The following PPP2R2B variants were observed in gnomAD, a reference collection of about 807,000 sequenced individuals.
The protein encoded by PPP2R2B is serine/threonine-protein phosphatase 2A 55 kDa regulatory subunit B beta isoform.
PPP2R2B carries 5 observed loss-of-function variants against 46.0 expected under a neutral mutation model. The ratio of observed to expected loss-of-function variants is 0.11; its 90% CI spans 0.06 to 0.23. The LOEUF is 0.23. Ranked by LOEUF, PPP2R2B falls within the 10% of genes least tolerant of loss-of-function variation. The pLI, the probability that PPP2R2B is intolerant of heterozygous loss-of-function variation, is 1.00. For missense variants in PPP2R2B, 367 were observed against 575.0 expected (o/e 0.64, Z 3.70); for synonymous variants, 215 against 206.7 (o/e 1.04, Z -0.34).
At chr5:146,857,255 C>T (rs1322124033) in intron 2 of PPP2R2B, among the ~76,000 whole-genome samples, 1 of 151,828 alleles carries the variant, frequency 6.6e-6, no homozygotes, top group African/African-American at 2.4e-5. Flanking sequence ...TGCAAGCGTT[C>T]AGAAGTATGA....
chr5:147,029,240 A>G (rs568065126), intron 1 of PPP2R2B, among the ~76,000 whole-genome samples: 2 of 152,184 alleles, frequency 1.3e-5, no homozygotes, highest in South Asian at 2.1e-4. Context: ...GGTTGTCAAT[A>G]TTTTATCTTA....
chr5:146,725,854 C>T (rs917124807), intron 2 of PPP2R2B, among the ~76,000 whole-genome samples: 2 of 152,186 alleles, frequency 1.3e-5, no homozygotes, highest in Non-Finnish European at 2.9e-5. Context: ...AAGGGCAGGG[C>T]CCATGTCTGT....
rs138582047 is a variant in PPP2R2B, at chr5:147,012,946, A to G, written c.79+42719T>C. On this transcript the variant is annotated intron_variant, in intron 1 of 8. Coordinates refer to the PPP2R2B transcript ENST00000336640. ...TTGATTGCACTGTGGTCTGAGAGAT[A>G]CCTGTTTGCAGACGACATGATTGTA... Among the ~76,000 whole-genome samples the G allele has an allele frequency of 9.9e-5, 15 of 152,126 alleles. 1 individual carries two copies. The highest frequency in any genetic ancestry group is 3.4e-4 in the African/African-American group (14 of 41,512).
At chr5:146,981,716 C>T (rs1753187823) in intron 1 of PPP2R2B, among the ~76,000 whole-genome samples, 1 of 152,120 alleles carries the variant, frequency 6.6e-6, no homozygotes, top group Non-Finnish European at 1.5e-5. Context: ...GATCCCTATG[C>T]TGCCCTTTTA....
At chr5:146,597,868 T>C (rs986634723) in intron 8 of PPP2R2B, among the ~76,000 whole-genome samples, 1 of 152,196 alleles carries the variant, frequency 6.6e-6, no homozygotes, top group Non-Finnish European at 1.5e-5. Context: ...GATAGATGAA[T>C]TATCTTTGCA....
chr5:146,979,772 A>G (rs1753082197), intron 1 of PPP2R2B, among the ~76,000 whole-genome samples: 1 of 152,202 alleles, frequency 6.6e-6, no homozygotes, highest in African/African-American at 2.4e-5. Context: ...ATTAACAACA[A>G]TAACTCATAA....
At chr5:146,617,749 C>T (rs1446798265) in intron 7 of PPP2R2B, among the ~76,000 whole-genome samples, 2 of 150,396 alleles carry the variant, frequency 1.3e-5, no homozygotes, top group East Asian at 2.0e-4. Flanking sequence ...GGCTGGAGTG[C>T]AGTGGCGCGA....
chr5:146,749,562 T>A (rs1274637235), intron 2 of PPP2R2B, among the ~76,000 whole-genome samples: 1 of 152,054 alleles, frequency 6.6e-6, no homozygotes, highest in Non-Finnish European at 1.5e-5. Flanking sequence ...AAGAACTCTT[T>A]GCTTAGCCTA....
At position 146,888,471 on chromosome 5, in the gene PPP2R2B, T is replaced by G. The variant is rs535313794; in HGVS notation, c.79+167194A>C. Among the ~76,000 whole-genome samples, 135 of 152,302 alleles carry G rather than the reference T, an allele frequency of 8.9e-4. 1 individual carries two copies. Among genetic ancestry groups the G allele is most frequent in the East Asian group, 1.5e-3 (8 of 5,172 alleles). On this transcript the variant is annotated intron_variant, in intron 1 of 8. Coordinates refer to the PPP2R2B transcript ENST00000336640. ...CTATCATCCTATCTCACCATGATTA[T>G]ATCAATAGATTCGAACCAGTCTCTG...
At chr5:146,879,388 T>G (rs1762088558), upstream of PPP2R2B, among the ~76,000 whole-genome samples, 1 of 152,156 alleles carries the variant, frequency 6.6e-6, no homozygotes, top group African/African-American at 2.4e-5. Context: ...AGCACCAGAC[T>G]AGTAAACAGG....
rs759226872 is a variant in PPP2R2B at position 146,854,115 on chromosome 5, ACT to A, written c.70+23885_70+23886del. On this transcript the variant is annotated intron_variant, in intron 2 of 9. Coordinates refer to ENST00000394411, the MANE Select transcript of PPP2R2B (RefSeq NM_181675.4). ...GACACATAGTAAGTGCACAATAAAT[ACT>A]TAATAAGTAAAAGGATGGATGCCAG... Among the ~76,000 whole-genome samples, 7 of 152,110 alleles carry A rather than the reference ACT, an allele frequency of 4.6e-5. No individual in the cohort carries two copies. The East Asian group carries it at 5.8e-4, about 13-fold the overall frequency.
chr5:146,959,984 T>C (rs180899911), intron 1 of PPP2R2B, among the ~76,000 whole-genome samples: 1 of 152,304 alleles, frequency 6.6e-6, no homozygotes, highest in East Asian at 1.9e-4. Flanking sequence ...GAGCCATTGA[T>C]AGGTTTTAAG....
intron 1 of PPP2R2B, among the ~76,000 whole-genome samples, chr5:147,026,153 T>G (rs1755518390): frequency 6.6e-6 from 1 of 152,106 alleles, no homozygotes; most frequent in Non-Finnish European, 1.5e-5. Flanking sequence ...AGGATAGATC[T>G]CCATATAAAG....
intron 1 of PPP2R2B, among the ~76,000 whole-genome samples, chr5:146,900,301 T>C (rs1762783777): frequency 6.6e-6 from 1 of 152,186 alleles, no homozygotes; most frequent in Admixed American, 6.5e-5. Flanking sequence ...AGTATATCAC[T>C]GGGCCTTTGA....
At chr5:146,806,154 T>C (rs533931539) in intron 2 of PPP2R2B, among the ~76,000 whole-genome samples, 1 of 152,302 alleles carries the variant, frequency 6.6e-6, no homozygotes, top group East Asian at 1.9e-4. Context: ...GTGTGTGTGA[T>C]GCGCACATAC....
At chr5:146,825,170 C>T (rs17105402) in intron 2 of PPP2R2B, among the ~76,000 whole-genome samples, 28,967 of 152,156 alleles carry the variant, frequency 0.19, 3,109 homozygotes, top group East Asian at 0.43. Context: ...ACAGAGCCGA[C>T]GTTATCACAT....
intron 2 of PPP2R2B, among the ~76,000 whole-genome samples, chr5:146,850,117 G>C (rs1395442249): frequency 6.6e-6 from 1 of 152,142 alleles, no homozygotes; most frequent in Non-Finnish European, 1.5e-5. Flanking sequence ...AGCGTGTGTG[G>C]GTGACACAGA....
chr5:146,811,395 C>T (rs1739261641), intron 2 of PPP2R2B, among the ~76,000 whole-genome samples: 1 of 152,156 alleles, frequency 6.6e-6, no homozygotes, highest in Non-Finnish European at 1.5e-5. Context: ...TCCCACATCT[C>T]CATCTGGCTA....
intron 2 of PPP2R2B, chr5:146,706,487 G>A: frequency 8.4e-7 from 1 of 1,191,360 alleles, no homozygotes; most frequent in South Asian, 1.2e-5. Flanking sequence ...GGGTCAGCTT[G>A]ATGTTCATCA....
Sources: allele counts gnomAD v4.1 joint callset (sites outside exome capture counted in the v4.1 genomes callset), GRCh38; gene constraint gnomAD v4.1.1; transcripts MANE v1.5; gene names NCBI Gene and HGNC (gene_info 2026-07-23, HGNC 2026-07-21).